The following ZMIZ1 variants were observed in gnomAD, a reference collection of about 807,000 sequenced individuals.
ZMIZ1 encodes zinc finger MIZ domain-containing protein 1.
Under a neutral mutation model 113.9 loss-of-function variants are expected in ZMIZ1, and 17 were observed. The ratio of observed to expected loss-of-function variants is 0.15; its 90% CI spans 0.10 to 0.22. ZMIZ1 has a LOEUF of 0.22. Among genes scored for constraint, ZMIZ1 ranks in the 10% least tolerant of loss-of-function variants. The pLI is 1.00. For missense variants in ZMIZ1, 1,059 were observed against 1,477.8 expected (o/e 0.72, Z 4.65); for synonymous variants, 607 against 603.1 (o/e 1.01, Z -0.09).
chr10:79,299,126 C>T lies in ZMIZ1; in HGVS notation c.1743C>T (p.His581=), dbSNP rs756251207. ...GVVLEPFRLE[H]NLAVSNHVFH... ...TGCTGGAGCCCTTCCGCCTGGAGCA[C>T]AACCTGGCGGTCAGCAACCATGTGT... Residue 581 remains histidine, a synonymous_variant, in exon 16 of 25, where the codon CAC becomes CAT. Coordinates refer to ENST00000334512, the MANE Select transcript of ZMIZ1 (RefSeq NM_020338.4). The T allele has an allele frequency of 5.0e-6, 8 of 1,612,042 alleles. No homozygotes were observed. In the East Asian group the frequency reaches 1.6e-4, roughly 31 times the overall value.
rs1164314592 is a variant in ZMIZ1, at chr10:79,069,983, G to T, written c.-337+713G>T. On this transcript the variant is annotated intron_variant, in intron 1 of 24. Transcript: ENST00000334512. The surrounding 1 kb of genome is among the most constrained non-coding windows in gnomAD (Gnocchi z 4.6). Reference sequence around the variant, plus strand: ...GGACGGGGCTGCCCCGGCCAGGAGGGGAGCCCAGGGGGAAGATGTGCGTGT... The same window carrying T: ...GGACGGGGCTGCCCCGGCCAGGAGGTGAGCCCAGGGGGAAGATGTGCGTGT... Among the ~76,000 whole-genome samples, 1 of 151,152 alleles carries T rather than the reference G, an allele frequency of 6.6e-6. No homozygotes were observed. The highest frequency in any genetic ancestry group is 1.5e-5 in the Non-Finnish European group (1 of 67,712).
chr10:79,286,648 G>A (rs1353985411), intron 8 of ZMIZ1, among the ~76,000 whole-genome samples: 3 of 152,276 alleles, frequency 2.0e-5, no homozygotes, highest in African/African-American at 7.2e-5. Context: ...CAGGCAGTGG[G>A]ATGGCCAGTT....
intron 21 of ZMIZ1, 82 bp downstream of exon 21, chr10:79,305,683 G>C (rs1423204993): frequency 7.1e-7 from 1 of 1,407,848 alleles, no homozygotes; most frequent in Non-Finnish European, 1.0e-6. Flanking sequence ...GGATAGCCCT[G>C]ACACAGCCCT....
chr10:79,153,972 G>A (rs999209021), intron 3 of ZMIZ1, among the ~76,000 whole-genome samples: 2 of 152,208 alleles, frequency 1.3e-5, no homozygotes, highest in Non-Finnish European at 2.9e-5. Context: ...CCAGGAAGGG[G>A]GTCATCGAGA....
At chr10:79,171,355 A>C (rs1175795454) in intron 4 of ZMIZ1, among the ~76,000 whole-genome samples, 3 of 152,192 alleles carry the variant, frequency 2.0e-5, no homozygotes, top group Non-Finnish European at 4.4e-5. Flanking sequence ...TGTCGCTCAG[A>C]GGATGCCGGG....
intron 7 of ZMIZ1, among the ~76,000 whole-genome samples, chr10:79,275,899 G>T (rs1589543254): frequency 6.6e-6 from 1 of 152,212 alleles, no homozygotes; most frequent in South Asian, 2.1e-4. Context: ...AAAAAAAAAG[G>T]ATGCAGAAGC....
At chr10:79,265,912 C>T (rs1440182142) in intron 7 of ZMIZ1, among the ~76,000 whole-genome samples, 6 of 152,332 alleles carry the variant, frequency 3.9e-5, no homozygotes, top group Non-Finnish European at 8.8e-5. Flanking sequence ...AGCAGCCCAA[C>T]AGGGTGAGCT....
intron 1 of ZMIZ1, among the ~76,000 whole-genome samples, chr10:79,109,304 C>T (rs907894099): frequency 2.0e-5 from 3 of 152,306 alleles, no homozygotes; most frequent in East Asian, 1.9e-4. Context: ...ATGCAACTGC[C>T]GCCTCATCCT....
intron 1 of ZMIZ1, among the ~76,000 whole-genome samples, chr10:79,083,032 TC>T (rs1308351088): frequency 2.6e-5 from 4 of 152,176 alleles, no homozygotes; most frequent in Non-Finnish European, 5.9e-5. Flanking sequence ...CAGGCACTCT[TC>T]CAGGCCCTGG....
chr10:79,135,312 C>G (rs1844954330), intron 2 of ZMIZ1, among the ~76,000 whole-genome samples: 1 of 152,212 alleles, frequency 6.6e-6, no homozygotes, highest in African/African-American at 2.4e-5. Context: ...CATCCCATGA[C>G]TGGGCAGATG....
At chr10:79,174,984 C>A (rs997542489) in intron 4 of ZMIZ1, among the ~76,000 whole-genome samples, 3 of 152,240 alleles carry the variant, frequency 2.0e-5, no homozygotes, top group African/African-American at 7.2e-5. Context: ...CCAGGCCTCT[C>A]TCTGAGCGTG....
chr10:79,144,619 C>T (rs1042863468), intron 3 of ZMIZ1, among the ~76,000 whole-genome samples: 3 of 152,184 alleles, frequency 2.0e-5, no homozygotes, highest in East Asian at 1.9e-4. Flanking sequence ...GCACCGGCTC[C>T]GGTGGAAGGC....
chr10:79,232,855 C>T (rs1849446756), intron 7 of ZMIZ1, among the ~76,000 whole-genome samples: 1 of 152,190 alleles, frequency 6.6e-6, no homozygotes, highest in Non-Finnish European at 1.5e-5. Flanking sequence ...CACTTTGAGC[C>T]TCCATTTCCT....
At chr10:79,210,984 C>T (rs1848507812) in intron 6 of ZMIZ1, among the ~76,000 whole-genome samples, 1 of 152,140 alleles carries the variant, frequency 6.6e-6, no homozygotes, top group Non-Finnish European at 1.5e-5. Flanking sequence ...CTGTTCCCTG[C>T]CTCCAGTGTA....
chr10:79,106,469 T>G (rs1316293605), intron 1 of ZMIZ1, among the ~76,000 whole-genome samples: 1 of 152,208 alleles, frequency 6.6e-6, no homozygotes, highest in Admixed American at 6.5e-5. Context: ...TACACAGGCC[T>G]TTATTTGTGA....
At chr10:79,155,848 T>A (rs1320241677) in intron 3 of ZMIZ1, among the ~76,000 whole-genome samples, 1 of 152,182 alleles carries the variant, frequency 6.6e-6, no homozygotes, top group African/African-American at 2.4e-5. Context: ...CAGGGAGAGG[T>A]ACCCTCCTGC....
In ZMIZ1 at chr10:79,174,664, A is replaced by G. The variant is rs151005328; in HGVS notation, c.-50+12531A>G. Reference sequence around the variant, plus strand: ...TTGCAAGTCTGGTCTTTAAAATCCAAGCCCAGTTGGTGTGGGGCATAGAAG... The same window carrying G: ...TTGCAAGTCTGGTCTTTAAAATCCAGGCCCAGTTGGTGTGGGGCATAGAAG... On this transcript the variant is annotated intron_variant, in intron 4 of 24. Transcript: ENST00000334512. Among the ~76,000 whole-genome samples the G allele has an allele frequency of 1.3e-3, 199 of 152,322 alleles. No individual in the cohort carries two copies. In the Middle Eastern group the frequency reaches 0.014, roughly 10 times the overall value.
chr10:79,191,464 T>G (rs1167258441), intron 4 of ZMIZ1, among the ~76,000 whole-genome samples: 1 of 152,154 alleles, frequency 6.6e-6, no homozygotes, highest in Non-Finnish European at 1.5e-5. Context: ...TCTTCCCCAC[T>G]TCATGGCATC....
intron 3 of ZMIZ1, among the ~76,000 whole-genome samples, chr10:79,154,834 A>G (rs1486007380): frequency 6.6e-6 from 1 of 152,096 alleles, no homozygotes; most frequent in African/African-American, 2.4e-5. Flanking sequence ...GTCTTTCTCT[A>G]TCTCTGTGAT....
Sources: allele counts gnomAD v4.1 joint callset (sites outside exome capture counted in the v4.1 genomes callset), GRCh38; gene constraint gnomAD v4.1.1; non-coding constraint Gnocchi (gnomAD v3.1); transcripts MANE v1.5; gene names NCBI Gene and HGNC (gene_info 2026-07-23, HGNC 2026-07-21).